The following RNH1 variants were observed in gnomAD, a reference collection of about 807,000 sequenced individuals.
RNH1 encodes ribonuclease/angiogenin inhibitor 1.
A neutral mutation model predicts 46.1 loss-of-function variants in RNH1; 38 were observed. The observed-to-expected ratio is 0.82, with a 90% confidence interval of 0.64 to 1.08. The LOEUF (loss-of-function observed/expected upper bound fraction) is 1.08. Among genes scored for constraint, RNH1 ranks in the 50% least tolerant of loss-of-function variants. RNH1 has a pLI of 0.00. For synonymous variants in RNH1, 319 were observed against 279.1 expected (o/e 1.14, Z -1.43); for missense variants, 577 against 590.7 (o/e 0.98, Z 0.24).
Position 498,808 on chromosome 11 carries a change from A to C in RNH1, c.740T>G (p.Leu247Arg). Residue 247 changes from leucine (L) to arginine (R), a missense_variant, in exon 7 of 11, where the codon CTG (leucine) becomes CGG (arginine). Physicochemically the swap from Leu to Arg is moderately radical, Grantham distance 102 (BLOSUM62 -2). Transcript: ENST00000354420. ...NKLGDVGMAE[L>R]CPGLLHPSSR... Reference sequence around the variant, plus strand: ...GCTGGGGTGGAGCAGCCCTGGGCACAGCTCCGCCATGCCCACATCACCCAG... The same window carrying C: ...GCTGGGGTGGAGCAGCCCTGGGCACCGCTCCGCCATGCCCACATCACCCAG... 6.2e-7 allele frequency: 1 copy of C among 1,608,012 alleles called. No homozygotes were observed. The highest frequency in any genetic ancestry group is 8.5e-7 in the Non-Finnish European group (1 of 1,179,604).
At chr11:499,244 C>A in intron 5 of RNH1, 59 bp from the exon 6 acceptor site, 1 of 1,579,000 alleles carries the variant, frequency 6.3e-7, no homozygotes, top group East Asian at 2.2e-5. Context: ...GGGTGTGATA[C>A]CAGGGAGCAC....
intron 1 of RNH1, chr11:505,596 T>G (rs1163651185): frequency 6.6e-6 from 1 of 152,224 alleles, no homozygotes; most frequent in Non-Finnish European, 1.5e-5. Context: ...AAACAGCCTG[T>G]GACAAATTCG....
intron 8 of RNH1, 27 bp downstream of exon 8, chr11:498,430 G>C: frequency 6.2e-7 from 1 of 1,608,460 alleles, no homozygotes. Flanking sequence ...TTGGGCGACA[G>C]GGCCCTGCCC....
At chr11:496,919 G>C (rs1849123901) in intron 9 of RNH1, among the ~76,000 whole-genome samples, 1 of 152,282 alleles carries the variant, frequency 6.6e-6, no homozygotes, top group Non-Finnish European at 1.5e-5. Flanking sequence ...TGGCCAGGTA[G>C]GCTGGAGCTC....
chr11:494,887 G>C lies in RNH1; in HGVS notation c.1294C>G (p.Leu432Val). Reference sequence around the variant, plus strand: ...CCGCCCAGCGCGTGCACATACACCAGCTGCTCCAGGAGGCAGCCCGGCTGC... The same window carrying C: ...CCGCCCAGCGCGTGCACATACACCACCTGCTCCAGGAGGCAGCCCGGCTGC... ...VRQPGCLLEQ[L>V]VLYDIYWSEE... The change falls in exon 10 of 11, where the codon CTG becomes GTG. Residue 432 changes from leucine to valine, a missense_variant. By Grantham distance (32) the Leu-to-Val change is conservative (BLOSUM62 1). Coordinates refer to ENST00000354420, the MANE Select transcript of RNH1 (RefSeq NM_203387.3). The C allele has an allele frequency of 6.2e-7, 1 of 1,611,988 alleles. No homozygotes were observed. Among genetic ancestry groups the C allele is most frequent in the Non-Finnish European group, 8.5e-7 (1 of 1,179,450 alleles).
In RNH1 at chr11:498,805, C is replaced by T; in HGVS notation, c.743G>A (p.Cys248Tyr). The change falls in exon 7 of 11, where the codon TGC becomes TAC. Residue 248 changes from cysteine to tyrosine, a missense_variant. Physicochemically the swap from Cys to Tyr is radical, Grantham distance 194. Coordinates refer to ENST00000354420, the MANE Select transcript of RNH1 (RefSeq NM_203387.3). Reference sequence around the variant, plus strand: ...GGAGCTGGGGTGGAGCAGCCCTGGGCACAGCTCCGCCATGCCCACATCACC... The same window carrying T: ...GGAGCTGGGGTGGAGCAGCCCTGGGTACAGCTCCGCCATGCCCACATCACC... The part of the protein sequence containing the change: ...KLGDVGMAEL[C>Y]PGLLHPSSRL... The T allele has an allele frequency of 1.2e-6, 2 of 1,607,290 alleles. No individual in the cohort carries two copies. Among genetic ancestry groups the T allele is most frequent in the South Asian group, 2.2e-5 (2 of 90,924 alleles).
At chr11:494,826 C>T (rs1296476303) in intron 10 of RNH1, 48 bp from the exon 11 acceptor site, 9 of 1,612,716 alleles carry the variant, frequency 5.6e-6, no homozygotes, top group Non-Finnish European at 7.6e-6. Flanking sequence ...CTCCCCCACC[C>T]CCGCCTTCCT....
intron 8 of RNH1, 38 bp downstream of exon 8, chr11:498,419 C>A: frequency 6.2e-7 from 1 of 1,605,372 alleles, no homozygotes; most frequent in Non-Finnish European, 8.5e-7. Context: ...CTGGCCCTCT[C>A]TTGGGCGACA....
chr11:501,055 G>A lies in RNH1; in HGVS notation c.102-401C>T. ...AGGCAGGAGGATCACTTGAGCCCAG[G>A]AGGTTGAGGCCGCATAAGCCATGAG... On this transcript the variant is annotated intron_variant, in intron 3 of 10. Coordinates refer to ENST00000354420, the MANE Select transcript of RNH1 (RefSeq NM_203387.3). The surrounding 1 kb of genome is among the most constrained non-coding windows in gnomAD (Gnocchi z 4.1). 2.8e-6 allele frequency: 1 copy of A among 357,370 alleles called. No individual in the cohort carries two copies. Among genetic ancestry groups the A allele is most frequent in the South Asian group, 2.2e-5 (1 of 46,382 alleles). 22.1% of individuals were successfully genotyped at this position (357,370 alleles called of 1,614,324 possible).
chr11:496,100 G>GAA (rs146139221), intron 9 of RNH1, among the ~76,000 whole-genome samples: 1 of 152,024 alleles, frequency 6.6e-6, no homozygotes, highest in Non-Finnish European at 1.5e-5. Context: ...AAAGGAGAGA[G>GAA]AAAAAAATCA....
chr11:502,487 C>T lies in RNH1; in HGVS notation c.-87-238G>A. The T allele has an allele frequency of 2.3e-6, 1 of 426,210 alleles. No individual in the cohort carries two copies. The highest frequency in any genetic ancestry group is 4.4e-6 in the Non-Finnish European group (1 of 228,362). 26.4% of individuals were successfully genotyped at this position (426,210 alleles called of 1,614,324 possible). On this transcript the variant is annotated intron_variant, in intron 2 of 10. Coordinates refer to ENST00000354420, the MANE Select transcript of RNH1 (RefSeq NM_203387.3). This position sits in a 1 kb window ranked among gnomAD's most constrained non-coding sequence, Gnocchi z 5.8. ...CACCCAGCCTCTGTGGGCACCTCCTCCTGCCCCACAGAGGGCGGGACAGCA... is the reference window on the plus strand; with the variant it reads ...CACCCAGCCTCTGTGGGCACCTCCTTCTGCCCCACAGAGGGCGGGACAGCA...
At chr11:497,628 C>A (rs540009997) in intron 9 of RNH1, among the ~76,000 whole-genome samples, 3 of 149,726 alleles carry the variant, frequency 2.0e-5, no homozygotes, top group African/African-American at 7.4e-5. Flanking sequence ...CTCTCACGTG[C>A]TCACACACGG....
chr11:500,907 T>A (rs1276329460), intron 3 of RNH1: 1 of 578,634 alleles, frequency 1.7e-6, no homozygotes, highest in Non-Finnish European at 3.2e-6. Flanking sequence ...GGCAGGCAGA[T>A]CACCTGAGGT....
rs1194885469 is a variant in RNH1, at chr11:504,862, G to C, written c.-126C>G. On this transcript the variant is annotated 5_prime_UTR_variant, in exon 2 of 11. Transcript: ENST00000354420. Reference sequence around the variant, plus strand: ...TTTTGCTACCAGACTGGAGAAGGTGGAACAGGTTGACGATGATTTGTTGTA... The same window carrying C: ...TTTTGCTACCAGACTGGAGAAGGTGCAACAGGTTGACGATGATTTGTTGTA... The C allele has an allele frequency of 6.6e-6, 1 of 152,222 alleles. No homozygotes were observed. Among genetic ancestry groups the C allele is most frequent in the East Asian group, 1.9e-4 (1 of 5,204 alleles). The allele number at this position is 152,222 out of a possible 1,614,324, so 9.4% of individuals were successfully genotyped here.
chr11:498,469 A>G lies in RNH1; in HGVS notation c.944T>C (p.Leu315Pro). ...CETLLEPGCQ[L>P]ESLWVKSCSF... is the part of the protein sequence containing the mutation. ...CAGCCACACTCACCACAGCGACTCC[A>G]GCTGGCAGCCAGGTTCCAGCAGGGT... Residue 315 changes from leucine to proline, a missense_variant, in exon 8 of 11, where the codon CTG becomes CCG. Coordinates refer to ENST00000354420, the MANE Select transcript of RNH1 (RefSeq NM_203387.3). The G allele has an allele frequency of 2.5e-6, 4 of 1,612,862 alleles. No homozygotes were observed. The highest frequency in any genetic ancestry group is 3.4e-6 in the Non-Finnish European group (4 of 1,179,984).
intron 2 of RNH1, among the ~76,000 whole-genome samples, chr11:503,907 C>T (rs1001342387): frequency 6.6e-6 from 1 of 152,184 alleles, no homozygotes; most frequent in South Asian, 2.1e-4. Context: ...CACTGAGGAC[C>T]CCATGAAAAT....
intron 1 of RNH1, chr11:505,222 A>G (rs1219239898): frequency 6.6e-6 from 1 of 152,158 alleles, no homozygotes; most frequent in Non-Finnish European, 1.5e-5. Flanking sequence ...ATCCCTTCAA[A>G]TATTTTACAT....
chr11:497,989 G>C lies in RNH1; in HGVS notation c.1109C>G (p.Ser370Cys). Residue 370 changes from serine (S) to cysteine (C), a missense_variant, in exon 9 of 11, where the codon TCT becomes TGT. Ser to Cys is a moderately radical substitution (Grantham distance 112, BLOSUM62 -1). Coordinates refer to ENST00000354420, the MANE Select transcript of RNH1 (RefSeq NM_203387.3). ...ELCQGLGQPG[S>C]VLRVLWLADC... The stretch of plus-strand genomic sequence containing the variant: ...CACTCACCAGAGCACCCGCAGCACA[G>C]AGCCAGGCTGGCCCAGGCCCTGGCA... 6.2e-7 allele frequency: 1 copy of C among 1,613,816 alleles called. No individual in the cohort carries two copies. The highest frequency in any genetic ancestry group is 8.5e-7 in the Non-Finnish European group (1 of 1,179,878).
At chr11:500,154 C>T (rs1849611496) in intron 4 of RNH1, 155 bp from the exon 5 acceptor site, 8 of 899,318 alleles carry the variant, frequency 8.9e-6, no homozygotes, top group Admixed American at 5.9e-5. Context: ...GTCTCCAGGC[C>T]GAGTGAAGGA....
Sources: gnomAD v4.1 joint callset for allele counts (sites outside exome capture counted in the v4.1 genomes callset) on GRCh38, gnomAD v4.1.1 for gene constraint, Gnocchi (gnomAD v3.1) non-coding constraint, MANE v1.5 for transcripts, NCBI Gene and HGNC (gene_info 2026-07-23, HGNC 2026-07-21) for gene names.